The following OSBPL10 variants were observed in gnomAD, a reference collection of about 807,000 sequenced individuals.
OSBPL10 encodes the protein oxysterol-binding protein-related protein 10.
In OSBPL10, 49 loss-of-function variants were observed where a neutral mutation model predicts 81.7. The observed-to-expected ratio is 0.60, with a 90% CI of 0.48 to 0.76. OSBPL10 has a LOEUF of 0.76. Ranked by LOEUF, OSBPL10 falls within the 30% of genes least tolerant of loss-of-function variation. The probability of loss-of-function intolerance (pLI) is 0.00; values close to 1 mark genes in which losing one functional copy is unlikely to be tolerated. For synonymous variants in OSBPL10, 419 were observed against 383.6 expected, an observed-to-expected ratio of 1.09 and a Z score of -1.08; for missense variants, 923 against 987.8, an observed-to-expected ratio of 0.93 and a Z score of 0.88.
At chr3:31,805,886 G>A (rs1183587991) in intron 4 of OSBPL10, among the ~76,000 whole-genome samples, 2 of 152,174 alleles carry the variant, frequency 1.3e-5, no homozygotes, top group African/African-American at 4.8e-5. Flanking sequence ...GGGTTTAATA[G>A]TTGCTGACAA....
intron 8 of OSBPL10, among the ~76,000 whole-genome samples, chr3:31,672,765 A>T (rs1192253898): frequency 1.3e-5 from 2 of 152,026 alleles, no homozygotes; most frequent in Admixed American, 6.5e-5. Flanking sequence ...ACATGCTAGT[A>T]TGTGATTAGG....
At chr3:31,711,388 G>A (rs62237307) in intron 6 of OSBPL10, among the ~76,000 whole-genome samples, 5,631 of 152,272 alleles carry the variant, frequency 0.037, 142 homozygotes, top group Non-Finnish European at 0.059. Context: ...GGCTCAGGAG[G>A]GGAACGCAGT....
At chr3:32,074,788 G>A (rs752538634) in intron 1 of OSBPL10, among the ~76,000 whole-genome samples, 4 of 152,224 alleles carry the variant, frequency 2.6e-5, no homozygotes, top group Admixed American at 2.0e-4. Context: ...GGATCTCTAG[G>A]ATTTGGGGTG....
Position 31,783,829 on chromosome 3 carries a change from T to A in OSBPL10, c.730-35709A>T, listed in dbSNP as rs1466319491. Among the ~76,000 whole-genome samples the A allele has an allele frequency of 9.2e-3, 503 of 54,790 alleles. 3 individuals are homozygous for A. Among genetic ancestry groups the A allele is most frequent in the Non-Finnish European group, 0.013 (393 of 30,294 alleles). The allele number at this position is 54,790 out of a possible 152,430, so 35.9% of individuals were successfully genotyped here. On this transcript the variant is annotated intron_variant, in intron 4 of 11. Coordinates refer to ENST00000396556, the MANE Select transcript of OSBPL10 (RefSeq NM_017784.5). Reference sequence around the variant, plus strand: ...AAAAAAAAAAAAAAAAAAAAATATATATATATATATATATATATATATATA... The same window carrying A: ...AAAAAAAAAAAAAAAAAAAAATATAAATATATATATATATATATATATATA...
intron 2 of OSBPL10, among the ~76,000 whole-genome samples, chr3:32,035,653 G>A (rs1410716861): frequency 6.6e-6 from 1 of 151,384 alleles, no homozygotes; most frequent in Non-Finnish European, 1.5e-5. Context: ...AAAAATAATA[G>A]GTTTGGAAGA....
chr3:31,808,069 A>C, intron 4 of OSBPL10, among the ~76,000 whole-genome samples: 1 of 152,188 alleles, frequency 6.6e-6, no homozygotes, highest in East Asian at 1.9e-4. Context: ...GTAACTGAGC[A>C]GCTAGCTACA....
intron 8 of OSBPL10, among the ~76,000 whole-genome samples, chr3:31,673,363 G>T (rs1700374885): frequency 6.6e-6 from 1 of 152,204 alleles, no homozygotes; most frequent in Non-Finnish European, 1.5e-5. Context: ...GAAAATTGCA[G>T]CCAATGTCAA....
At chr3:31,922,736 C>A (rs542080740) in intron 1 of OSBPL10, among the ~76,000 whole-genome samples, 16 of 152,136 alleles carry the variant, frequency 1.1e-4, no homozygotes, top group African/African-American at 3.9e-4. Flanking sequence ...AGCGCTGTCA[C>A]TTTTCAGAGA....
chr3:32,044,274 T>C (rs1186331771), intron 2 of OSBPL10, among the ~76,000 whole-genome samples: 1 of 151,570 alleles, frequency 6.6e-6, no homozygotes, highest in Non-Finnish European at 1.5e-5. Flanking sequence ...AAATCTATCT[T>C]TCGTAATATA....
chr3:32,015,218 A>T (rs968580336), intron 2 of OSBPL10, among the ~76,000 whole-genome samples: 2 of 152,192 alleles, frequency 1.3e-5, no homozygotes, highest in African/African-American at 2.4e-5. Flanking sequence ...ACAGTAACCA[A>T]AACAGCATGG....
At chr3:31,817,800 G>A (rs1699880518) in intron 4 of OSBPL10, among the ~76,000 whole-genome samples, 1 of 152,190 alleles carries the variant, frequency 6.6e-6, no homozygotes, top group South Asian at 2.1e-4. Flanking sequence ...CATGGAGTGT[G>A]CAGCCCCAGT....
At chr3:31,768,972 T>C (rs1290958502) in intron 4 of OSBPL10, among the ~76,000 whole-genome samples, 5 of 152,072 alleles carry the variant, frequency 3.3e-5, no homozygotes, top group African/African-American at 7.2e-5. Context: ...GACAAAAGAA[T>C]GGACACCTTT....
At chr3:31,881,326 A>G (rs1436438792) in intron 1 of OSBPL10, among the ~76,000 whole-genome samples, 1 of 152,178 alleles carries the variant, frequency 6.6e-6, no homozygotes, top group African/African-American at 2.4e-5. Flanking sequence ...ACGTTTCTCC[A>G]TCCATGCATC....
intron 5 of OSBPL10, among the ~76,000 whole-genome samples, chr3:31,747,404 T>C (rs560951746): frequency 4.0e-5 from 6 of 151,448 alleles, no homozygotes; most frequent in African/African-American, 1.2e-4. Flanking sequence ...CTATGTTCTC[T>C]GCTTTTATTT....
At position 32,024,773 on chromosome 3, in the gene OSBPL10, C is replaced by T. The variant is rs116647054; in HGVS notation, n.298+21718G>A. ...ACAGGCATGAGCTACCGTGCCCGGC[C>T]GGAATTATTTTCTTAATTTCATCTT... On this transcript the variant is annotated intron_variant and non_coding_transcript_variant, in intron 2 of 3. Transcript: ENST00000479173. Among the ~76,000 whole-genome samples the T allele has an allele frequency of 2.0e-3, 311 of 152,108 alleles. 3 individuals carry two copies. Among genetic ancestry groups the T allele is most frequent in the African/African-American group, 6.8e-3 (284 of 41,504 alleles).
chr3:31,929,481 C>CAAAATA (rs1697172972), intron 1 of OSBPL10, among the ~76,000 whole-genome samples: 1 of 152,180 alleles, frequency 6.6e-6, no homozygotes, highest in Non-Finnish European at 1.5e-5. Flanking sequence ...GGCGCGGTGG[C>CAAAATA]TCACGCCTGT....
chr3:31,683,551 C>A (rs1700708579), intron 8 of OSBPL10, 83 bp downstream of exon 8: 2 of 1,514,790 alleles, frequency 1.3e-6, no homozygotes, highest in Non-Finnish European at 1.8e-6. Flanking sequence ...ACAAAAAACT[C>A]CACACACAAA....
intron 3 of OSBPL10, among the ~76,000 whole-genome samples, chr3:31,875,379 G>A (rs67801219): frequency 0.24 from 36,519 of 151,862 alleles, 4,689 homozygotes; most frequent in East Asian, 0.43. Flanking sequence ...TACCAATTAA[G>A]TGTTGAGAAC....
chr3:31,853,214 T>C (rs947201535), intron 3 of OSBPL10, among the ~76,000 whole-genome samples: 25 of 152,316 alleles, frequency 1.6e-4, no homozygotes, highest in African/African-American at 6.0e-4. Flanking sequence ...TTCTAGTTCC[T>C]GACCTGGCCT....
Sources: gnomAD v4.1 joint callset for allele counts (sites outside exome capture counted in the v4.1 genomes callset) on GRCh38, gnomAD v4.1.1 for gene constraint, MANE v1.5 for transcripts, NCBI Gene and HGNC (gene_info 2026-07-23, HGNC 2026-07-21) for gene names.